Variants in SLC23A2 observed in about 807,000 individuals in gnomAD.
SLC23A2 encodes the protein solute carrier family 23 member 2.
A neutral mutation model predicts 73.3 loss-of-function variants in SLC23A2; 36 were observed. The ratio of observed to expected loss-of-function variants is 0.49; its 90% confidence interval spans 0.38 to 0.65. SLC23A2 has a LOEUF of 0.65. Ranked by LOEUF, SLC23A2 falls within the 30% of genes least tolerant of loss-of-function variation. The pLI, the probability that SLC23A2 is intolerant of heterozygous loss-of-function variation, is 0.00. For synonymous variants in SLC23A2, 343 were observed against 327.3 expected (o/e 1.05, Z -0.52); for missense variants, 507 against 841.6 (o/e 0.60, Z 4.92).
At chr20:4,867,569 C>T (rs1930253486) in intron 13 of SLC23A2, among the ~76,000 whole-genome samples, 1 of 150,394 alleles carries the variant, frequency 6.6e-6, no homozygotes, top group Admixed American at 6.6e-5. Context: ...CACTGAGTGC[C>T]TCCCTACCCG....
chr20:5,001,011 A>T (rs1277909376), intron 1 of SLC23A2, among the ~76,000 whole-genome samples: 1 of 152,060 alleles, frequency 6.6e-6, no homozygotes, highest in African/African-American at 2.4e-5. Context: ...CGACCCCAGG[A>T]CGCGCGGGCG....
chr20:4,905,901 A>T (rs1024085908), intron 4 of SLC23A2, among the ~76,000 whole-genome samples: 2 of 152,224 alleles, frequency 1.3e-5, no homozygotes, highest in African/African-American at 4.8e-5. Flanking sequence ...TATTAAACCA[A>T]ATTTGGCTTG....
At position 4,998,874 on chromosome 20, in the gene SLC23A2, G is replaced by A. The variant is rs2088068933; in HGVS notation, c.-282+2532C>T. Among the ~76,000 whole-genome samples the A allele has an allele frequency of 1.4e-5, 2 of 146,526 alleles. No homozygotes were observed. The highest frequency in any genetic ancestry group is 4.3e-4 in the South Asian group (2 of 4,702). ...GGCTGGAGTGCAGTGGCACGATCTC[G>A]ACTCACTGCAAACTCCACCTCCCAG... On this transcript the variant is annotated intron_variant, in intron 1 of 16. Transcript: ENST00000338244. The surrounding 1 kb of genome is among the most constrained non-coding windows in gnomAD (Gnocchi z 4.1).
intron 1 of SLC23A2, among the ~76,000 whole-genome samples, chr20:4,994,209 T>C (rs2087979609): frequency 6.6e-6 from 1 of 152,238 alleles, no homozygotes; most frequent in African/African-American, 2.4e-5. Flanking sequence ...TTGAGTGAGC[T>C]TGGCTGTGTT....
intron 6 of SLC23A2, among the ~76,000 whole-genome samples, chr20:4,895,942 C>A (rs1052396935): frequency 6.6e-6 from 1 of 152,168 alleles, no homozygotes; most frequent in African/African-American, 2.4e-5. Context: ...TTGGGGATTT[C>A]TGCTCTTCCC....
At chr20:5,004,379 A>G (rs1365035373), upstream of SLC23A2, among the ~76,000 whole-genome samples, 2 of 152,276 alleles carry the variant, frequency 1.3e-5, no homozygotes, top group East Asian at 1.9e-4. Flanking sequence ...CTCATCCAAC[A>G]CAGATACTGA....
intron 1 of SLC23A2, among the ~76,000 whole-genome samples, chr20:4,971,333 CAA>C (rs71197738): frequency 1.1e-4 from 15 of 140,912 alleles, no homozygotes; most frequent in South Asian, 2.3e-4. Flanking sequence ...CACACACACA[CAA>C]ATTAGCCAAG....
upstream of SLC23A2, among the ~76,000 whole-genome samples, chr20:5,001,801 G>T (rs1038198461): frequency 2.6e-5 from 4 of 151,892 alleles, no homozygotes. Flanking sequence ...CAGAGCGCTG[G>T]TCCCTGAGTG....
chr20:4,973,005 T>C (rs1414866547), intron 1 of SLC23A2, among the ~76,000 whole-genome samples: 1 of 152,236 alleles, frequency 6.6e-6, no homozygotes, highest in Non-Finnish European at 1.5e-5. Flanking sequence ...AGAGACACTT[T>C]AAAAGAATGG....
At chr20:4,861,880 A>C in intron 15 of SLC23A2, 68 bp downstream of exon 15, 2 of 1,555,854 alleles carry the variant, frequency 1.3e-6, no homozygotes, top group Non-Finnish European at 1.8e-6. Context: ...CAATGGGCAA[A>C]GAGCTGCGTG....
chr20:4,900,458 T>C (rs565612952), intron 5 of SLC23A2, among the ~76,000 whole-genome samples: 2 of 152,354 alleles, frequency 1.3e-5, no homozygotes, highest in South Asian at 4.1e-4. Flanking sequence ...ATACTGTATT[T>C]TTCTTCTGGG....
At chr20:4,887,200 C>T (rs1419124219) in intron 6 of SLC23A2, among the ~76,000 whole-genome samples, 1 of 152,216 alleles carries the variant, frequency 6.6e-6, no homozygotes, top group Non-Finnish European at 1.5e-5. Flanking sequence ...GTTATAATTA[C>T]CTGCCAGAGG....
In SLC23A2 at chr20:4,862,306, CATAAACA is replaced by C. The variant is rs1190892958; in HGVS notation, c.1487-228_1487-222del. 2.0e-5 allele frequency among the ~76,000 whole-genome samples: 3 copies of C among 152,236 alleles called. No individual in the cohort carries two copies. The highest frequency in any genetic ancestry group is 4.4e-5 in the Non-Finnish European group (3 of 68,044). On this transcript the variant is annotated intron_variant, in intron 14 of 16. Coordinates refer to ENST00000338244, the MANE Select transcript of SLC23A2 (RefSeq NM_005116.6). The surrounding 1 kb of genome is among the most constrained non-coding windows in gnomAD (Gnocchi z 5.1). ...CGCGCTATTTGGGCTCCTACGGGAG[CATAAACA>C]CCATGTGGCATTTTGTTTGTCAAAT...
chr20:4,867,667 A>T, intron 13 of SLC23A2, 103 bp downstream of exon 13: 8 of 469,286 alleles, frequency 1.7e-5, no homozygotes, highest in Non-Finnish European at 1.5e-5. Flanking sequence ...GTAATTTTTT[A>T]GAACCAGAGG....
chr20:4,986,709 G>A (rs4076098), intron 1 of SLC23A2, among the ~76,000 whole-genome samples: 59,597 of 148,074 alleles, frequency 0.4, 13,096 homozygotes, highest in East Asian at 0.6. Flanking sequence ...TATAAATAGA[G>A]AGAAGTGGGT....
chr20:5,008,151 C>T (rs1031880402), intron 1 of SLC23A2, among the ~76,000 whole-genome samples: 5 of 152,116 alleles, frequency 3.3e-5, no homozygotes, highest in Admixed American at 1.3e-4. Flanking sequence ...CTCAGGTGAT[C>T]CACCTGCCTT....
intron 3 of SLC23A2, among the ~76,000 whole-genome samples, chr20:4,921,852 A>G (rs1016454057): frequency 6.6e-6 from 1 of 152,200 alleles, no homozygotes; most frequent in African/African-American, 2.4e-5. Flanking sequence ...ACATATCAGC[A>G]TTCTTGCTTC....
At chr20:4,985,136 C>CAAAAA (rs56246524) in intron 1 of SLC23A2, among the ~76,000 whole-genome samples, 1 of 103,988 alleles carries the variant, frequency 9.6e-6, no homozygotes, top group South Asian at 2.9e-4. Context: ...ACTCCGTCTC[C>CAAAAA]AAAAAAAAAA....
chr20:4,915,746 G>C (rs144479109), intron 3 of SLC23A2, among the ~76,000 whole-genome samples: 1 of 152,060 alleles, frequency 6.6e-6, no homozygotes, highest in Non-Finnish European at 1.5e-5. Context: ...TCACGAGTTC[G>C]AGACCAGCCT....
Sources: gnomAD v4.1 joint callset for allele counts (sites outside exome capture counted in the v4.1 genomes callset) on GRCh38, gnomAD v4.1.1 for gene constraint, Gnocchi (gnomAD v3.1) non-coding constraint, MANE v1.5 for transcripts, NCBI Gene and HGNC (gene_info 2026-07-23, HGNC 2026-07-21) for gene names.